The following ZNF10 variants were observed in gnomAD, a reference collection of about 807,000 sequenced individuals.
The protein encoded by ZNF10 is zinc finger protein 10, also known as zinc finger protein 10 (KOX 1).
Under a neutral mutation model 12.2 loss-of-function variants are expected in ZNF10, and 8 were observed. The ratio of observed to expected loss-of-function variants is 0.66; its 90% CI spans 0.39 to 1.18. The LOEUF is 1.18. Ranked by LOEUF, ZNF10 falls within the 50% of genes most tolerant of loss-of-function variation. The pLI, the probability that ZNF10 is intolerant of heterozygous loss-of-function variation, is 0.01. For synonymous variants in ZNF10, 229 were observed against 228.2 expected (o/e 1.00, Z -0.03); for missense variants, 603 against 678.9 (o/e 0.89, Z 1.24).
chr12:133,132,877 C>T (rs973904900), intron 1 of ZNF10, among the ~76,000 whole-genome samples: 1 of 152,228 alleles, frequency 6.6e-6, no homozygotes, highest in Non-Finnish European at 1.5e-5. Flanking sequence ...TATAAACCTT[C>T]CCATCTAGAC....
Position 133,151,605 on chromosome 12 carries a change from C to T in ZNF10, c.161-204C>T, listed in dbSNP as rs146658447. 4.9e-3 allele frequency among the ~76,000 whole-genome samples: 751 copies of T among 152,286 alleles called. 7 individuals are homozygous for T. Among genetic ancestry groups the T allele is most frequent in the African/African-American group, 0.017 (698 of 41,558 alleles). On this transcript the variant is annotated intron_variant, in intron 3 of 4. Coordinates refer to ENST00000248211, the MANE Select transcript of ZNF10 (RefSeq NM_015394.5). ...GTTGCAGTGAGCCAAGATTATGCCA[C>T]TGCACTCCAGCCTGGCAACAGAGAG...
At position 133,139,327 on chromosome 12, in the gene ZNF10, A is replaced by G. The variant is rs554591018; in HGVS notation, c.-59-5107A>G. On this transcript the variant is annotated intron_variant, in intron 1 of 4. Transcript: ENST00000248211. Reference sequence around the variant, plus strand: ...ACCAAGAGACAAGAAAAGGAAGAACATATCTGGCTTAGGAATAGCATAGAT... The same window carrying G: ...ACCAAGAGACAAGAAAAGGAAGAACGTATCTGGCTTAGGAATAGCATAGAT... 3 of 152,388 alleles carry G rather than the reference A, an allele frequency of 2.0e-5. No individual in the cohort carries two copies. In the East Asian group the frequency reaches 5.8e-4, roughly 29 times the overall value. The allele number at this position is 152,388 out of a possible 1,614,324, so 9.4% of individuals were successfully genotyped here.
At chr12:133,136,658 T>C (rs1402666008) in intron 1 of ZNF10, among the ~76,000 whole-genome samples, 1 of 152,214 alleles carries the variant, frequency 6.6e-6, no homozygotes, top group East Asian at 1.9e-4. Flanking sequence ...TATTACTGTT[T>C]CTTAGTAAGC....
At chr12:133,146,557 C>T (rs1345434280) in intron 2 of ZNF10, among the ~76,000 whole-genome samples, 2 of 152,064 alleles carry the variant, frequency 1.3e-5, no homozygotes, top group African/African-American at 4.8e-5. Flanking sequence ...ATTCAAGATA[C>T]AGAGCAGGCT....
chr12:133,153,520 C>G (rs2135464591), intron 4 of ZNF10, among the ~76,000 whole-genome samples: 1 of 152,172 alleles, frequency 6.6e-6, no homozygotes, highest in African/African-American at 2.4e-5. Context: ...AAAAACTTCT[C>G]CATAAGATTT....
At chr12:133,132,052 A>G (rs1955881661) in intron 1 of ZNF10, among the ~76,000 whole-genome samples, 1 of 152,210 alleles carries the variant, frequency 6.6e-6, no homozygotes, top group Non-Finnish European at 1.5e-5. Flanking sequence ...ATATAAGCTA[A>G]TAGATTGATT....
Position 133,144,475 on chromosome 12 carries a change from A to G in ZNF10, c.-18A>G, listed in dbSNP as rs1341050863. 2.5e-6 allele frequency: 4 copies of G among 1,613,632 alleles called. No individual in the cohort carries two copies. Among genetic ancestry groups the G allele is most frequent in the Non-Finnish European group, 2.5e-6 (3 of 1,179,680 alleles). ...CTCTGCTGTCACTCAAGGAAGTATC[A>G]TCAAGAACAAGGAGGGCATGGATGC... is the stretch of plus-strand genomic sequence containing the variant. On this transcript the variant is annotated 5_prime_UTR_variant, in exon 2 of 5. Transcript: ENST00000248211.
At chr12:133,150,063 T>TA (rs1955998744) in intron 2 of ZNF10, among the ~76,000 whole-genome samples, 1 of 152,224 alleles carries the variant, frequency 6.6e-6, no homozygotes, top group Admixed American at 6.5e-5. Context: ...CGGAAAATGT[T>TA]ACAGGTCTTT....
At chr12:133,132,634 C>T (rs1433563497) in intron 1 of ZNF10, among the ~76,000 whole-genome samples, 2 of 152,170 alleles carry the variant, frequency 1.3e-5, no homozygotes, top group Non-Finnish European at 2.9e-5. Flanking sequence ...CTCATGTCAG[C>T]CAGGGCTTTT....
chr12:133,143,047 T>A (rs1000391025), intron 1 of ZNF10, among the ~76,000 whole-genome samples: 1 of 152,176 alleles, frequency 6.6e-6, no homozygotes, highest in Non-Finnish European at 1.5e-5. Flanking sequence ...AAAACATAGA[T>A]GAACCTTGAA....
At chr12:133,148,751 G>GTTTT (rs34626298) in intron 2 of ZNF10, among the ~76,000 whole-genome samples, 1 of 126,738 alleles carries the variant, frequency 7.9e-6, no homozygotes, top group African/African-American at 3.0e-5. Flanking sequence ...TTCAATGTTG[G>GTTTT]TTTTTTTTTT....
Position 133,156,831 on chromosome 12 carries a change from A to G in ZNF10, c.1585A>G (p.Asn529Asp), listed in dbSNP as rs780420172. 1.2e-5 allele frequency: 19 copies of G among 1,540,436 alleles called. No individual in the cohort carries two copies. The East Asian group carries it at 4.1e-4, about 33-fold the overall frequency. The change falls in exon 5 of 5, where the codon AAC (asparagine) becomes GAC (aspartate). Residue 529 changes from asparagine (N) to aspartate (D), a missense_variant. By Grantham distance (23) the Asn-to-Asp change is conservative. Around this residue, in one of 3 missense-constraint regions of ZNF10, gnomAD observed 204 missense variants for 262.8 expected, o/e 0.78. Transcript: ENST00000248211. The stretch of plus-strand genomic sequence containing the variant: ...TCAATGTGGCATTATCTTCAGCCAG[A>G]ACTCTCCATTTATAGTTCATCAAAT... ...CNQCGIIFSQ[N>D]SPFIVHQIAH... is the part of the protein sequence containing the mutation.
At chr12:133,154,623 G>T (rs1956028076) in intron 4 of ZNF10, among the ~76,000 whole-genome samples, 1 of 152,152 alleles carries the variant, frequency 6.6e-6, no homozygotes. Flanking sequence ...ATAAAACTTA[G>T]AACTTGCATC....
intron 1 of ZNF10, among the ~76,000 whole-genome samples, chr12:133,137,799 A>G (rs1955921075): frequency 1.3e-5 from 2 of 152,222 alleles, no homozygotes; most frequent in African/African-American, 2.4e-5. Flanking sequence ...TTCCAAATCT[A>G]TACCACTAAG....
chr12:133,132,594 C>T (rs536590924), intron 1 of ZNF10, among the ~76,000 whole-genome samples: 1 of 151,984 alleles, frequency 6.6e-6, no homozygotes, highest in African/African-American at 2.4e-5. Flanking sequence ...GACTCTTTTA[C>T]TTTCATCAGC....
chr12:133,139,547 T>C (rs1213963926), intron 1 of ZNF10, among the ~76,000 whole-genome samples: 1 of 152,196 alleles, frequency 6.6e-6, no homozygotes, highest in Admixed American at 6.5e-5. Context: ...GTGAAACTTT[T>C]GTGTTTTACA....
chr12:133,135,915 C>T (rs747090734), intron 1 of ZNF10, among the ~76,000 whole-genome samples: 1 of 152,238 alleles, frequency 6.6e-6, no homozygotes, highest in East Asian at 1.9e-4. Context: ...ACATACTCTC[C>T]GTAACCTCAG....
intron 1 of ZNF10, among the ~76,000 whole-genome samples, chr12:133,133,976 T>C (rs1367188414): frequency 6.6e-6 from 1 of 151,966 alleles, no homozygotes; most frequent in Non-Finnish European, 1.5e-5. Context: ...TCAGTGGGCT[T>C]AGTGTAATAA....
Position 133,159,314 on chromosome 12 carries a change from AT to A in ZNF10, c.*2347del, listed in dbSNP as rs1956059524. 6.6e-6 allele frequency: 1 copy of A among 152,242 alleles called. No individual in the cohort carries two copies. The highest frequency in any genetic ancestry group is 2.1e-4 in the South Asian group (1 of 4,834). The allele number at this position is 152,242 out of a possible 1,614,324, so 9.4% of individuals were successfully genotyped here. On this transcript the variant is annotated 3_prime_UTR_variant, in exon 5 of 5. Coordinates refer to ENST00000248211, the MANE Select transcript of ZNF10 (RefSeq NM_015394.5). ...ATAATATTTGTGGCATATCCGTGTAATGGAAGATTATGCAGGCATTAAAATA... is the reference window on the plus strand; with the variant it reads ...ATAATATTTGTGGCATATCCGTGTAAGGAAGATTATGCAGGCATTAAAATA...
Sources: allele counts gnomAD v4.1 joint callset (sites outside exome capture counted in the v4.1 genomes callset), GRCh38; gene constraint gnomAD v4.1.1; regional missense constraint gnomAD v4.1.1; transcripts MANE v1.5; gene names NCBI Gene and HGNC (gene_info 2026-07-23, HGNC 2026-07-21).